GALNT13: variants seen among roughly 807,000 people sequenced by gnomAD.
GALNT13 encodes the protein UDP-GalNAc:polypeptide N-acetylgalactosaminyltransferase 13.
GALNT13 carries 28 observed loss-of-function variants against 64.2 expected under a neutral mutation model. The ratio of observed to expected loss-of-function variants is 0.44; its 90% CI spans 0.32 to 0.60. The LOEUF (loss-of-function observed/expected upper bound fraction) is 0.60. GALNT13 is among the 20% of genes least tolerant of loss of function. The pLI is 0.05. For synonymous variants in GALNT13, 214 were observed against 224.6 expected, an observed-to-expected ratio of 0.95 and a Z score of 0.42; for missense variants, 577 against 669.8, an observed-to-expected ratio of 0.86 and a Z score of 1.53.
chr2:153,884,906 G>T (rs1237392885), intron 1 of GALNT13, among the ~76,000 whole-genome samples: 3 of 140,832 alleles, frequency 2.1e-5, no homozygotes, highest in Non-Finnish European at 4.6e-5. Context: ...GAGCGTCGTG[G>T]CACGCACTTC....
chr2:153,196,904 TC>T, the GALNT13 span, among the ~76,000 whole-genome samples: 1 of 152,074 alleles, frequency 6.6e-6, no homozygotes, highest in Admixed American at 6.5e-5. Context: ...TGCTCGTACC[TC>T]CCCACTGCAG....
chr2:153,712,504 A>T, the GALNT13 span, among the ~76,000 whole-genome samples: 7 of 151,918 alleles, frequency 4.6e-5, no homozygotes, highest in African/African-American at 1.7e-4. Flanking sequence ...TAGTTCATTT[A>T]AAAAAAATGA....
chr2:153,966,295 T>G (rs972140436), intron 3 of GALNT13, among the ~76,000 whole-genome samples: 1 of 150,654 alleles, frequency 6.6e-6, no homozygotes, highest in East Asian at 2.0e-4. Context: ...AGGTTTATAC[T>G]GAGAAGCCTG....
the GALNT13 span, among the ~76,000 whole-genome samples, chr2:153,347,931 G>T: frequency 1.3e-5 from 2 of 152,084 alleles, no homozygotes; most frequent in African/African-American, 4.8e-5. Context: ...TTTAAAAAAG[G>T]TTTCCTTTTT....
At chr2:153,665,602 C>T in the GALNT13 span, among the ~76,000 whole-genome samples, 1 of 152,046 alleles carries the variant, frequency 6.6e-6, no homozygotes, top group African/African-American at 2.4e-5. Context: ...GAATACCCAT[C>T]ATTTAAAGAT....
At chr2:154,354,401 A>G (rs926749905) in intron 9 of GALNT13, among the ~76,000 whole-genome samples, 3 of 95,168 alleles carry the variant, frequency 3.2e-5, no homozygotes, top group Admixed American at 1.1e-4. Context: ...AGTTTGATGT[A>G]GTCCTTTTTT....
At chr2:153,566,455 T>G in the GALNT13 span, among the ~76,000 whole-genome samples, 1 of 146,028 alleles carries the variant, frequency 6.8e-6, no homozygotes, top group Admixed American at 7.0e-5. Context: ...CCCAGGTTCA[T>G]GCCATTCTCC....
the GALNT13 span, among the ~76,000 whole-genome samples, chr2:153,191,159 C>T: frequency 6.6e-6 from 1 of 152,018 alleles, no homozygotes; most frequent in Non-Finnish European, 1.5e-5. Flanking sequence ...CCAGTTCTTA[C>T]AGGAAAGGCT....
the GALNT13 span, among the ~76,000 whole-genome samples, chr2:153,098,663 T>C: frequency 2.0e-5 from 3 of 152,204 alleles, no homozygotes; most frequent in African/African-American, 4.8e-5. Flanking sequence ...TTCCATTGAA[T>C]GGATATGCAA....
intron 4 of GALNT13, among the ~76,000 whole-genome samples, chr2:154,159,076 A>G (rs1684587524): frequency 6.6e-6 from 1 of 151,720 alleles, no homozygotes; most frequent in Non-Finnish European, 1.5e-5. Context: ...TTTCTCACTA[A>G]ACATAAGTTC....
chr2:154,090,268 A>G (rs957323637), intron 3 of GALNT13, among the ~76,000 whole-genome samples: 1 of 152,116 alleles, frequency 6.6e-6, no homozygotes, highest in African/African-American at 2.4e-5. Context: ...TTCTGGAAAT[A>G]GGTGAAAGTC....
At chr2:154,124,606 T>C (rs934635507) in intron 3 of GALNT13, among the ~76,000 whole-genome samples, 19 of 152,056 alleles carry the variant, frequency 1.2e-4, no homozygotes, top group African/African-American at 4.3e-4. Context: ...TAGTAAAATA[T>C]ATACACTATT....
chr2:154,222,459 C>T (rs1022006346), intron 4 of GALNT13, among the ~76,000 whole-genome samples: 2 of 151,934 alleles, frequency 1.3e-5, no homozygotes, highest in African/African-American at 4.8e-5. Context: ...AACAAAGTAC[C>T]TTATATTATT....
At chr2:153,495,297 G>A in the GALNT13 span, among the ~76,000 whole-genome samples, 2 of 151,864 alleles carry the variant, frequency 1.3e-5, no homozygotes, top group African/African-American at 2.4e-5. Flanking sequence ...GCAACAGAAC[G>A]AGACTCTGTC....
chr2:154,171,481 G>A (rs1685345356), intron 4 of GALNT13, among the ~76,000 whole-genome samples: 1 of 152,086 alleles, frequency 6.6e-6, no homozygotes, highest in Non-Finnish European at 1.5e-5. Flanking sequence ...TGTCAAATCA[G>A]GTATTAGTCC....
chr2:154,426,152 T>G (rs1305115628), intron 11 of GALNT13, among the ~76,000 whole-genome samples: 1 of 152,176 alleles, frequency 6.6e-6, no homozygotes, highest in Non-Finnish European at 1.5e-5. Context: ...CCAACCTCCC[T>G]GGTTCCTGGC....
the GALNT13 span, among the ~76,000 whole-genome samples, chr2:153,790,715 C>T: frequency 6.6e-6 from 1 of 152,102 alleles, no homozygotes; most frequent in Non-Finnish European, 1.5e-5. Context: ...ATAGTCTCTG[C>T]CCAAAAGCTC....
chr2:154,329,532 G>T (rs1187416168), intron 9 of GALNT13, among the ~76,000 whole-genome samples: 1 of 152,102 alleles, frequency 6.6e-6, no homozygotes. Flanking sequence ...TGGACATCTA[G>T]TTTTACACAT....
chr2:153,934,634 T>C (rs1174750436), intron 2 of GALNT13, among the ~76,000 whole-genome samples: 1 of 152,206 alleles, frequency 6.6e-6, no homozygotes, highest in Non-Finnish European at 1.5e-5. Context: ...GAAGATGCTA[T>C]GACTATAAAA....
Sources: allele counts gnomAD v4.1 joint callset (sites outside exome capture counted in the v4.1 genomes callset), GRCh38; gene constraint gnomAD v4.1.1; transcripts MANE v1.5; gene names NCBI Gene and HGNC (gene_info 2026-07-23, HGNC 2026-07-21).